DIP2C: variants seen among roughly 807,000 people sequenced by gnomAD.
The protein encoded by DIP2C is DIP2 acetate--CoA ligase C (putative), also known as disco-interacting protein 2 homolog C.
In DIP2C, 33 loss-of-function variants were observed where a neutral mutation model predicts 192.4. The observed-to-expected ratio is 0.17, with a 90% CI of 0.13 to 0.23. The LOEUF (loss-of-function observed/expected upper bound fraction) is 0.23. DIP2C is among the 10% of genes least tolerant of loss of function. The probability of loss-of-function intolerance (pLI) is 1.00; values close to 1 mark genes in which losing one functional copy is unlikely to be tolerated. For missense variants in DIP2C, 1,537 were observed against 2,110.1 expected (o/e 0.73, Z 5.32); for synonymous variants, 979 against 864.1 (o/e 1.13, Z -2.33).
chr10:567,402 G>A lies in DIP2C; in HGVS notation c.86-80872C>T, dbSNP rs1186266988. 3.9e-5 allele frequency among the ~76,000 whole-genome samples: 6 copies of A among 152,184 alleles called. No individual in the cohort carries two copies. In the East Asian group the frequency reaches 1.2e-3, roughly 29 times the overall value. ...AGATGGGGTTTTACCATGTTGGTCA[G>A]GCTGGTCTCGAACTCCTGACCTCGT... On this transcript the variant is annotated intron_variant, in intron 1 of 36. Coordinates refer to ENST00000280886, the MANE Select transcript of DIP2C (RefSeq NM_014974.3).
rs10652748 is a variant in DIP2C, at chr10:524,967, C to CAAAAAAAAAAA, written c.86-38448_86-38438dup. Among the ~76,000 whole-genome samples, 87 of 111,120 alleles carry CAAAAAAAAAAA rather than the reference C, an allele frequency of 7.8e-4. 1 individual carries two copies. Among genetic ancestry groups the CAAAAAAAAAAA allele is most frequent in the African/African-American group, 1.8e-3 (39 of 21,584 alleles). 72.9% of individuals were successfully genotyped at this position (111,120 alleles called of 152,430 possible). A position where few individuals can be genotyped will look rare whatever the true frequency, so the allele number is the denominator to read the frequency against. Reference sequence around the variant, plus strand: ...ACACAGTTTAAGACAATCACAATTTCAAAAAAAAAAAAAAAAGAATCACAT... The same window carrying CAAAAAAAAAAA: ...ACACAGTTTAAGACAATCACAATTTCAAAAAAAAAAAAAAAAAAAAAAAAAAAGAATCACAT... On this transcript the variant is annotated intron_variant, in intron 1 of 36. Transcript: ENST00000280886.
chr10:616,520 G>A (rs1391533323), intron 1 of DIP2C, among the ~76,000 whole-genome samples: 1 of 152,170 alleles, frequency 6.6e-6, no homozygotes, highest in African/African-American at 2.4e-5. Flanking sequence ...CGGGCCCACT[G>A]AACAGAATAA....
intron 8 of DIP2C, 142 bp downstream of exon 8, chr10:413,771 T>C: frequency 9.8e-7 from 1 of 1,020,520 alleles, no homozygotes; most frequent in Admixed American, 2.9e-5. Context: ...CGGGAGTGGC[T>C]GCGCGAGGGC....
At chr10:409,273 G>A (rs927981772) in intron 8 of DIP2C, among the ~76,000 whole-genome samples, 3 of 151,698 alleles carry the variant, frequency 2.0e-5, no homozygotes, top group East Asian at 1.9e-4. Flanking sequence ...AAAACCAAGT[G>A]TTGGCCTGTC....
At chr10:393,839 AAC>A (rs1564655413) in intron 10 of DIP2C, among the ~76,000 whole-genome samples, 1 of 150,592 alleles carries the variant, frequency 6.6e-6, no homozygotes. Flanking sequence ...AAAAAAAAAA[AAC>A]AACCCACAAG....
At chr10:377,303 C>A (rs1189954399) in intron 17 of DIP2C, among the ~76,000 whole-genome samples, 2 of 152,222 alleles carry the variant, frequency 1.3e-5, no homozygotes, top group Admixed American at 6.5e-5. Flanking sequence ...CTGGGGGGGA[C>A]CCCGTGGGGA....
chr10:277,751 T>C (rs1028514453), intron 36 of DIP2C, among the ~76,000 whole-genome samples, 174 bp from the exon 37 acceptor site: 1 of 151,844 alleles, frequency 6.6e-6, no homozygotes, highest in South Asian at 2.1e-4. Context: ...CATACAGACT[T>C]CCTGGCGACA....
At chr10:434,501 G>A (rs572425572) in intron 4 of DIP2C, among the ~76,000 whole-genome samples, 35 of 152,234 alleles carry the variant, frequency 2.3e-4, no homozygotes, top group African/African-American at 6.7e-4. Flanking sequence ...TCAAATAACC[G>A]GCCTCCAGCA....
rs565548667 is a variant in DIP2C, at chr10:681,855, G to A, written c.85+7639C>T. Among the ~76,000 whole-genome samples, 5 of 152,356 alleles carry A rather than the reference G, an allele frequency of 3.3e-5. No individual in the cohort carries two copies. The South Asian group carries it at 6.2e-4, about 19-fold the overall frequency. ...TCAGAGCTCAGGGCCCAGGGCTAAG[G>A]CCCTTGGGAGAGGTCCCTGTTCGGC... On this transcript the variant is annotated intron_variant, in intron 1 of 36. Coordinates refer to ENST00000280886, the MANE Select transcript of DIP2C (RefSeq NM_014974.3).
intron 1 of DIP2C, among the ~76,000 whole-genome samples, chr10:528,909 G>A (rs1294374778): frequency 6.6e-6 from 1 of 152,190 alleles, no homozygotes; most frequent in Non-Finnish European, 1.5e-5. Flanking sequence ...CACATGAACA[G>A]AACCTAAATA....
At position 513,555 on chromosome 10, in the gene DIP2C, C is replaced by T. The variant is rs1588355721; in HGVS notation, c.86-27025G>A. ...CAGCCCATGCTTCTTGTCCACCGTG[C>T]CACACCGCGGTCCACTGCGCCACAC... On this transcript the variant is annotated intron_variant, in intron 1 of 36. Transcript: ENST00000280886. 4.6e-5 allele frequency among the ~76,000 whole-genome samples: 7 copies of T among 152,322 alleles called. No homozygotes were observed. In the South Asian group the frequency reaches 1.5e-3, roughly 32 times the overall value.
At chr10:400,043 ATAT>A (rs1964293100) in intron 9 of DIP2C, among the ~76,000 whole-genome samples, 1 of 152,216 alleles carries the variant, frequency 6.6e-6, no homozygotes, top group South Asian at 2.1e-4. Context: ...CTACTAATAG[ATAT>A]TATGATTTTT....
chr10:424,041 C>T (rs980319437), intron 4 of DIP2C, among the ~76,000 whole-genome samples: 1 of 151,934 alleles, frequency 6.6e-6, no homozygotes, highest in East Asian at 1.9e-4. Context: ...CATGCAGTAC[C>T]AAGGTTTTTG....
At chr10:401,280 T>C (rs1286086318) in intron 9 of DIP2C, among the ~76,000 whole-genome samples, 1 of 151,358 alleles carries the variant, frequency 6.6e-6, no homozygotes, top group Non-Finnish European at 1.5e-5. Flanking sequence ...GGGGTAGCAT[T>C]AGCATTACTC....
intron 1 of DIP2C, among the ~76,000 whole-genome samples, chr10:602,164 G>A (rs1053234339): frequency 6.6e-6 from 1 of 152,124 alleles, no homozygotes; most frequent in Non-Finnish European, 1.5e-5. Context: ...ACACACCAAG[G>A]TTTTTACAGT....
At chr10:377,913 T>G (rs145454562) in intron 17 of DIP2C, among the ~76,000 whole-genome samples, 133 of 152,332 alleles carry the variant, frequency 8.7e-4, no homozygotes, top group African/African-American at 2.8e-3. Flanking sequence ...CAAATAGTAC[T>G]TTGTAGTTAC....
At chr10:614,095 C>T (rs999223327) in intron 1 of DIP2C, among the ~76,000 whole-genome samples, 2 of 152,330 alleles carry the variant, frequency 1.3e-5, no homozygotes, top group Non-Finnish European at 2.9e-5. Flanking sequence ...AACAGGCACA[C>T]ATCTGGATTC....
chr10:581,377 T>C (rs1850646710), intron 1 of DIP2C, among the ~76,000 whole-genome samples: 1 of 152,226 alleles, frequency 6.6e-6, no homozygotes, highest in African/African-American at 2.4e-5. Context: ...TCTGCAAATA[T>C]GAGTTTCTAG....
chr10:397,720 G>T (rs920596857), intron 10 of DIP2C, among the ~76,000 whole-genome samples: 2 of 152,200 alleles, frequency 1.3e-5, no homozygotes, highest in East Asian at 1.9e-4. Context: ...TACAGTTACC[G>T]TAACTGCTTT....
Sources: allele counts gnomAD v4.1 joint callset (sites outside exome capture counted in the v4.1 genomes callset), GRCh38; gene constraint gnomAD v4.1.1; transcripts MANE v1.5; gene names NCBI Gene and HGNC (gene_info 2026-07-23, HGNC 2026-07-21).